Variants in PXDNL observed in about 807,000 individuals in gnomAD.
PXDNL encodes the protein probable oxidoreductase PXDNL.
A neutral mutation model predicts 150.8 loss-of-function variants in PXDNL; 145 were observed. The ratio of observed to expected loss-of-function variants is 0.96; its 90% confidence interval spans 0.84 to 1.10. The LOEUF (loss-of-function observed/expected upper bound fraction) is 1.10, where lower values mean the gene tolerates loss of function less well. Among genes scored for constraint, PXDNL ranks in the 50% least tolerant of loss-of-function variants. PXDNL has a pLI of 0.00. For synonymous variants in PXDNL, 757 were observed against 725.7 expected, an observed-to-expected ratio of 1.04 and a Z score of -0.69; for missense variants, 2,087 against 1,873.9, an observed-to-expected ratio of 1.11 and a Z score of -2.10.
intron 4 of PXDNL, among the ~76,000 whole-genome samples, chr8:51,546,250 G>T (rs187817776): frequency 1.1e-3 from 168 of 152,292 alleles, no homozygotes; most frequent in African/African-American, 3.8e-3. Context: ...TAAAAATCCA[G>T]ATCACAAGGG....
At chr8:51,571,644 T>C (rs900480193) in intron 3 of PXDNL, among the ~76,000 whole-genome samples, 3 of 151,886 alleles carry the variant, frequency 2.0e-5, no homozygotes, top group Non-Finnish European at 4.4e-5. Context: ...CAAATGATAA[T>C]TTAAACTTTG....
intron 3 of PXDNL, among the ~76,000 whole-genome samples, chr8:51,582,195 A>G (rs897067648): frequency 6.6e-6 from 1 of 152,100 alleles, no homozygotes. Flanking sequence ...TTGGGATGCT[A>G]ATCCTACAGG....
chr8:51,588,208 G>GA (rs1414980867), intron 3 of PXDNL, among the ~76,000 whole-genome samples: 1 of 152,148 alleles, frequency 6.6e-6, no homozygotes, highest in African/African-American at 2.4e-5. Context: ...AAAGAGCAAA[G>GA]AAAAGATATA....
rs538991636 is a variant in PXDNL at position 51,619,496 on chromosome 8, G to A, written c.237-26798C>T. Among the ~76,000 whole-genome samples, 4 of 152,278 alleles carry A rather than the reference G, an allele frequency of 2.6e-5. No homozygotes were observed. The South Asian group carries it at 8.3e-4, about 32-fold the overall frequency. On this transcript the variant is annotated intron_variant, in intron 2 of 22. Transcript: ENST00000356297. ...TGTCCAATTTTAATTCCCAATGTTG[G>A]AGGTGGGGCCTGGTGGGAGGTGATT...
rs1808511407 is a variant in PXDNL at position 51,408,588 on chromosome 8, G to T, written c.3036C>A (p.Ile1012=). ...RKIVGAELQH[I]TYSHWLPKVL... is the part of the protein sequence containing the mutation. ...CCTTAGGCAGCCAGTGGCTGTAGGTGATGTGCTGCAGCTCCGCGCCCACGA... is the reference window on the plus strand; with the variant it reads ...CCTTAGGCAGCCAGTGGCTGTAGGTTATGTGCTGCAGCTCCGCGCCCACGA... Residue 1012 remains isoleucine, a synonymous_variant, in exon 17 of 23, where the codon ATC becomes ATA. Transcript: ENST00000356297. The T allele has an allele frequency of 1.2e-6, 2 of 1,612,406 alleles. No individual in the cohort carries two copies. The highest frequency in any genetic ancestry group is 2.2e-5 in the South Asian group (2 of 90,760).
chr8:51,639,668 C>T (rs1271110139), intron 2 of PXDNL, among the ~76,000 whole-genome samples: 1 of 152,146 alleles, frequency 6.6e-6, no homozygotes, highest in East Asian at 1.9e-4. Flanking sequence ...AGTTGAATCT[C>T]TGAATAGACC....
intron 19 of PXDNL, among the ~76,000 whole-genome samples, chr8:51,367,271 A>G (rs777076529): frequency 4.6e-5 from 7 of 152,158 alleles, no homozygotes; most frequent in Non-Finnish European, 8.8e-5. Flanking sequence ...TTAAAGGACA[A>G]AGACTATGAA....
At chr8:51,501,500 T>C (rs1402285005) in intron 4 of PXDNL, among the ~76,000 whole-genome samples, 1 of 151,530 alleles carries the variant, frequency 6.6e-6, no homozygotes, top group Non-Finnish European at 1.5e-5. Context: ...ACACGGACAC[T>C]CGTGCACACT....
chr8:51,425,824 A>G (rs1242475703), intron 13 of PXDNL, among the ~76,000 whole-genome samples: 2 of 152,026 alleles, frequency 1.3e-5, no homozygotes, highest in Non-Finnish European at 2.9e-5. Flanking sequence ...TCCGTCTCAA[A>G]AAAAAAAAAC....
At chr8:51,469,019 C>T (rs1810264893) in intron 8 of PXDNL, among the ~76,000 whole-genome samples, 1 of 152,002 alleles carries the variant, frequency 6.6e-6, no homozygotes, top group African/African-American at 2.4e-5. Flanking sequence ...CTCCTACTTA[C>T]TGAAACACAA....
intron 1 of PXDNL, among the ~76,000 whole-genome samples, chr8:51,759,209 C>T (rs1235510991): frequency 6.6e-6 from 1 of 152,194 alleles, no homozygotes; most frequent in African/African-American, 2.4e-5. Context: ...CCACTAAGCT[C>T]TAGCCAACCT....
chr8:51,390,792 T>C (rs1807874742), intron 17 of PXDNL, among the ~76,000 whole-genome samples: 1 of 152,044 alleles, frequency 6.6e-6, no homozygotes, highest in Admixed American at 6.6e-5. Flanking sequence ...ATGTGCACAA[T>C]GTGCAGGTTA....
chr8:51,354,973 A>G (rs1806460084), intron 19 of PXDNL, among the ~76,000 whole-genome samples: 1 of 152,012 alleles, frequency 6.6e-6, no homozygotes. Context: ...TCCTACTGTA[A>G]TGTTCTCACC....
intron 1 of PXDNL, among the ~76,000 whole-genome samples, chr8:51,702,210 A>G (rs753478746): frequency 1.3e-5 from 2 of 152,148 alleles, no homozygotes; most frequent in Non-Finnish European, 2.9e-5. Context: ...CTTCTATAGT[A>G]AGCTGGATGA....
At chr8:51,614,248 G>A (rs779546958) in intron 2 of PXDNL, among the ~76,000 whole-genome samples, 42 of 152,170 alleles carry the variant, frequency 2.8e-4, no homozygotes, top group Non-Finnish European at 5.6e-4. Flanking sequence ...GTTAAATTAA[G>A]ATTAGCCTAA....
intron 2 of PXDNL, among the ~76,000 whole-genome samples, chr8:51,611,667 A>AGGAG (rs1234169939): frequency 6.6e-6 from 1 of 152,214 alleles, no homozygotes; most frequent in Non-Finnish European, 1.5e-5. Context: ...GAAGTTTCCC[A>AGGAG]GGAGGGAGCA....
chr8:51,607,593 C>T (rs887028350), intron 2 of PXDNL, among the ~76,000 whole-genome samples: 1 of 151,594 alleles, frequency 6.6e-6, no homozygotes, highest in Non-Finnish European at 1.5e-5. Context: ...GTAATCCCAG[C>T]ACTTTGGGAG....
At chr8:51,434,177 T>C (rs954976415) in intron 12 of PXDNL, among the ~76,000 whole-genome samples, 2 of 152,202 alleles carry the variant, frequency 1.3e-5, no homozygotes, top group African/African-American at 4.8e-5. Context: ...AGATTTACAG[T>C]TATTTTTGTC....
intron 19 of PXDNL, among the ~76,000 whole-genome samples, chr8:51,357,166 G>C (rs1016273210): frequency 1.3e-5 from 2 of 152,186 alleles, no homozygotes; most frequent in African/African-American, 4.8e-5. Flanking sequence ...ATTTGAATCA[G>C]AATATAGTCT....
Sources: gnomAD v4.1 joint callset for allele counts (sites outside exome capture counted in the v4.1 genomes callset) on GRCh38, gnomAD v4.1.1 for gene constraint, MANE v1.5 for transcripts, NCBI Gene and HGNC (gene_info 2026-07-23, HGNC 2026-07-21) for gene names.